The following TRAPPC9 variants were observed in gnomAD, a reference collection of about 807,000 sequenced individuals.
TRAPPC9 encodes the protein IKK2 binding protein.
A neutral mutation model predicts 124.0 loss-of-function variants in TRAPPC9; 83 were observed. That is an observed-to-expected ratio of 0.67 (90% CI 0.56 to 0.80). The LOEUF (loss-of-function observed/expected upper bound fraction) is 0.80, where lower values mean the gene tolerates loss of function less well. TRAPPC9 is among the 30% of genes least tolerant of loss of function. The pLI is 0.00. For missense variants in TRAPPC9, 1,302 were observed against 1,508.3 expected, an observed-to-expected ratio of 0.86 and a Z score of 2.27; for synonymous variants, 638 against 617.5, an observed-to-expected ratio of 1.03 and a Z score of -0.49.
chr8:140,118,772 CAAAG>C (rs1471334000), intron 17 of TRAPPC9, among the ~76,000 whole-genome samples: 2 of 152,094 alleles, frequency 1.3e-5, no homozygotes, highest in African/African-American at 4.8e-5. Context: ...TAGAAAAAGA[CAAAG>C]GAAGGACAAG....
At chr8:140,358,286 AAGC>A (rs2067816037) in intron 9 of TRAPPC9, among the ~76,000 whole-genome samples, 1 of 152,158 alleles carries the variant, frequency 6.6e-6, no homozygotes, top group African/African-American at 2.4e-5. Flanking sequence ...GGCTCTCTGC[AAGC>A]GCCACTCCTG....
chr8:140,220,216 C>T (rs193059796), intron 17 of TRAPPC9, among the ~76,000 whole-genome samples: 2 of 152,306 alleles, frequency 1.3e-5, no homozygotes, highest in East Asian at 1.9e-4. Flanking sequence ...CAACTTGCTA[C>T]GATCCATTAC....
intron 17 of TRAPPC9, chr8:140,040,794 C>T (rs1481207982): frequency 6.6e-6 from 1 of 152,200 alleles, no homozygotes; most frequent in African/African-American, 2.4e-5. Context: ...GATGCAGTAA[C>T]TAAAGGACTC....
chr8:140,393,381 G>A (rs2132358206), intron 7 of TRAPPC9, among the ~76,000 whole-genome samples: 1 of 152,234 alleles, frequency 6.6e-6, no homozygotes, highest in African/African-American at 2.4e-5. Flanking sequence ...TTCACTATTT[G>A]CTTGTAAAAA....
rs143159736 is a variant in TRAPPC9 at position 139,868,042 on chromosome 8, G to A, written c.3055+17837C>T. Among the ~76,000 whole-genome samples, 783 of 152,262 alleles carry A rather than the reference G, an allele frequency of 5.1e-3. 7 individuals are homozygous for A. Among genetic ancestry groups the A allele is most frequent in the African/African-American group, 0.018 (739 of 41,538 alleles). ...ACATTAATAATTTGGAGGTGTTTGGGGCATCAGATCAACCACATATTCTAA... is the reference window on the plus strand; with the variant it reads ...ACATTAATAATTTGGAGGTGTTTGGAGCATCAGATCAACCACATATTCTAA... On this transcript the variant is annotated intron_variant, in intron 21 of 22. Transcript: ENST00000438773.
chr8:140,240,999 T>C (rs2063844404), intron 16 of TRAPPC9, among the ~76,000 whole-genome samples: 2 of 152,238 alleles, frequency 1.3e-5, no homozygotes. Context: ...GATCCCCTCC[T>C]GCTCCTGGGT....
At chr8:139,880,961 T>A (rs1056374228) in intron 21 of TRAPPC9, 1 of 152,222 alleles carries the variant, frequency 6.6e-6, no homozygotes, top group Non-Finnish European at 1.5e-5. Flanking sequence ...AAGGCAGAAA[T>A]GCCTTTCAGA....
intron 2 of TRAPPC9, among the ~76,000 whole-genome samples, chr8:140,449,539 A>G (rs1184084666): frequency 3.3e-5 from 5 of 152,274 alleles, no homozygotes; most frequent in Non-Finnish European, 7.3e-5. Flanking sequence ...TTTTGACTTA[A>G]TAACAGGCAA....
chr8:140,044,721 C>T (rs1013181800), intron 17 of TRAPPC9, among the ~76,000 whole-genome samples: 8 of 152,194 alleles, frequency 5.3e-5, no homozygotes, highest in African/African-American at 1.2e-4. Context: ...CTTCTCGCCT[C>T]GGGGAGAATA....
chr8:140,341,560 G>C (rs2067195005), intron 9 of TRAPPC9, among the ~76,000 whole-genome samples: 1 of 152,110 alleles, frequency 6.6e-6, no homozygotes, highest in African/African-American at 2.4e-5. Flanking sequence ...GCTTCAGTTT[G>C]CATCAAAGGC....
Position 139,891,845 on chromosome 8 carries a change from G to A in TRAPPC9, c.2965-5876C>T, listed in dbSNP as rs115226622. ...GCTTACACGTGCTCAGCGATTTAAC[G>A]TTCATCATGGCATTACAAGGTAGGC... On this transcript the variant is annotated intron_variant, in intron 20 of 22. Transcript: ENST00000438773. Among the ~76,000 whole-genome samples, 921 of 152,290 alleles carry A rather than the reference G, an allele frequency of 6.0e-3. 9 individuals carry two copies. Among genetic ancestry groups the A allele is most frequent in the African/African-American group, 0.021 (884 of 41,546 alleles).
At chr8:139,983,871 A>G (rs1428636342) in intron 19 of TRAPPC9, among the ~76,000 whole-genome samples, 1 of 152,164 alleles carries the variant, frequency 6.6e-6, no homozygotes, top group Non-Finnish European at 1.5e-5. Context: ...GGGTTCCACA[A>G]AGTGGCTTTG....
At chr8:139,945,691 T>C (rs1834171586) in intron 19 of TRAPPC9, among the ~76,000 whole-genome samples, 1 of 151,420 alleles carries the variant, frequency 6.6e-6, no homozygotes, top group Admixed American at 6.6e-5. Flanking sequence ...TTCCAGTGCA[T>C]AAGGTGTGCT....
chr8:139,815,756 G>A (rs944429780), intron 21 of TRAPPC9, among the ~76,000 whole-genome samples: 3 of 152,194 alleles, frequency 2.0e-5, no homozygotes, highest in Non-Finnish European at 2.9e-5. Flanking sequence ...TGCTACCTAC[G>A]GACTCGTGGT....
At chr8:140,170,709 C>T (rs571426936) in intron 17 of TRAPPC9, among the ~76,000 whole-genome samples, 4 of 152,300 alleles carry the variant, frequency 2.6e-5, no homozygotes, top group East Asian at 1.9e-4. Context: ...AAAGCAAGGA[C>T]GACGTGGTTG....
intron 3 of TRAPPC9, among the ~76,000 whole-genome samples, chr8:140,438,123 C>T (rs1443259295): frequency 6.6e-6 from 1 of 152,114 alleles, no homozygotes; most frequent in Non-Finnish European, 1.5e-5. Context: ...TTTTCATCAC[C>T]CCAGAAAGAA....
chr8:139,948,946 G>A (rs185383751), intron 19 of TRAPPC9, among the ~76,000 whole-genome samples: 150 of 152,178 alleles, frequency 9.9e-4, no homozygotes, highest in African/African-American at 3.4e-3. Flanking sequence ...TGTGGTGGGC[G>A]CCTGTAATCC....
At chr8:140,176,134 C>T (rs1468880385) in intron 17 of TRAPPC9, among the ~76,000 whole-genome samples, 2 of 152,230 alleles carry the variant, frequency 1.3e-5, no homozygotes, top group Non-Finnish European at 2.9e-5. Context: ...AAGACGATCT[C>T]TCTTGAACTA....
intron 17 of TRAPPC9, among the ~76,000 whole-genome samples, chr8:140,180,085 C>T (rs75410745): frequency 0.035 from 4,575 of 130,942 alleles, 97 homozygotes; most frequent in South Asian, 0.052. Flanking sequence ...GTTATAGATG[C>T]TGTTGAGCTT....
Sources: gnomAD v4.1 joint callset for allele counts (sites outside exome capture counted in the v4.1 genomes callset) on GRCh38, gnomAD v4.1.1 for gene constraint, MANE v1.5 for transcripts, NCBI Gene and HGNC (gene_info 2026-07-23, HGNC 2026-07-21) for gene names.